Variants in MYO1B observed in about 807,000 individuals in gnomAD.
MYO1B encodes unconventional myosin-Ib.
In MYO1B, 72 loss-of-function variants were observed where a neutral mutation model predicts 159.7. The ratio of observed to expected loss-of-function variants is 0.45; its 90% CI spans 0.37 to 0.55. The LOEUF (loss-of-function observed/expected upper bound fraction) is 0.55, where lower values mean the gene tolerates loss of function less well. Ranked by LOEUF, MYO1B falls within the 20% of genes least tolerant of loss-of-function variation. The pLI is 0.00. For missense variants in MYO1B, 1,062 were observed against 1,364.8 expected, an observed-to-expected ratio of 0.78 and a Z score of 3.50; for synonymous variants, 468 against 473.8, an observed-to-expected ratio of 0.99 and a Z score of 0.16.
At chr2:191,266,619 G>A (rs1354498550) in intron 1 of MYO1B, among the ~76,000 whole-genome samples, 1 of 152,182 alleles carries the variant, frequency 6.6e-6, no homozygotes, top group African/African-American at 2.4e-5. Context: ...CGTCAGAAAA[G>A]CTTCATCCTC....
At chr2:191,363,938 T>C in intron 10 of MYO1B, 63 bp downstream of exon 10, 1 of 1,595,162 alleles carries the variant, frequency 6.3e-7, no homozygotes, top group South Asian at 1.1e-5. Context: ...CTCCCCACTT[T>C]TTAATGTAGA....
chr2:191,362,778 G>A (rs965380930), intron 9 of MYO1B, among the ~76,000 whole-genome samples: 4 of 152,048 alleles, frequency 2.6e-5, no homozygotes, highest in African/African-American at 9.7e-5. Context: ...ATATAAACCC[G>A]AGCGATTAGC....
At position 191,400,384 on chromosome 2, in the gene MYO1B, T is replaced by A; in HGVS notation, c.2298T>A (p.Ala766=). ...VIQSYIRGWK[A]RKILRELKHQ... Reference sequence around the variant, plus strand: ...TTTTGGGTGATTCTGCCCTTTAGGCTCGAAAAATTCTGCGGGAACTGAAGC... The same window carrying A: ...TTTTGGGTGATTCTGCCCTTTAGGCACGAAAAATTCTGCGGGAACTGAAGC... Residue 766 remains alanine, a splice_region_variant and synonymous_variant, in exon 22 of 31, where the codon GCT becomes GCA. Transcript: ENST00000392318. 2 of 1,614,100 alleles carry A rather than the reference T, an allele frequency of 1.2e-6. No individual in the cohort carries two copies. The highest frequency in any genetic ancestry group is 2.2e-5 in the East Asian group (1 of 44,882).
intron 4 of MYO1B, among the ~76,000 whole-genome samples, chr2:191,338,919 A>T (rs1441216713): frequency 6.6e-6 from 1 of 152,210 alleles, no homozygotes; most frequent in East Asian, 1.9e-4. Context: ...CCACTGTCTA[A>T]GACAGTTATT....
chr2:191,353,360 A>T (rs758113185), intron 7 of MYO1B, among the ~76,000 whole-genome samples: 10 of 152,214 alleles, frequency 6.6e-5, no homozygotes, highest in Admixed American at 2.0e-4. Context: ...AATTAACATC[A>T]CAGGCATTTG....
At chr2:191,370,324 T>C in intron 13 of MYO1B, 32 bp downstream of exon 13, 7 of 1,458,892 alleles carry the variant, frequency 4.8e-6, no homozygotes, top group Non-Finnish European at 5.8e-6. Flanking sequence ...GTATTGTCTT[T>C]AGTAGAGTGG....
Position 191,415,012 on chromosome 2 carries a change from A to T in MYO1B, c.3159+343A>T, listed in dbSNP as rs913570734. 1.4e-3 allele frequency among the ~76,000 whole-genome samples: 215 copies of T among 152,318 alleles called. 1 individual carries two copies. Among genetic ancestry groups the T allele is most frequent in the African/African-American group, 4.4e-3 (184 of 41,586 alleles). On this transcript the variant is annotated intron_variant, in intron 29 of 30. Transcript: ENST00000392318. Reference sequence around the variant, plus strand: ...TACATTAAAGGATACAACTAAAATAAAATAACCGCCAGTTAATTTTAACCT... The same window carrying T: ...TACATTAAAGGATACAACTAAAATATAATAACCGCCAGTTAATTTTAACCT...
intron 13 of MYO1B, 34 bp downstream of exon 13, chr2:191,370,326 G>A (rs1472844880): frequency 6.9e-7 from 1 of 1,445,450 alleles, no homozygotes; most frequent in Admixed American, 1.7e-5. Context: ...ATTGTCTTTA[G>A]TAGAGTGGAA....
chr2:191,337,061 A>G (rs947334209), intron 4 of MYO1B, among the ~76,000 whole-genome samples: 5 of 152,278 alleles, frequency 3.3e-5, no homozygotes, highest in African/African-American at 1.2e-4. Context: ...AAAAGTGCAC[A>G]ATAATCCTTG....
intron 7 of MYO1B, among the ~76,000 whole-genome samples, chr2:191,357,366 G>A (rs1693367116): frequency 6.6e-6 from 1 of 152,188 alleles, no homozygotes; most frequent in Non-Finnish European, 1.5e-5. Context: ...CGATAGTCGG[G>A]TGGCGGCAGC....
chr2:191,306,783 C>G (rs1689674846), intron 3 of MYO1B, among the ~76,000 whole-genome samples: 1 of 152,120 alleles, frequency 6.6e-6, no homozygotes. Flanking sequence ...CCTGGAATTG[C>G]AATAGCCTGG....
intron 30 of MYO1B, among the ~76,000 whole-genome samples, chr2:191,420,047 A>T (rs1053914789): frequency 6.6e-6 from 1 of 152,022 alleles, no homozygotes; most frequent in African/African-American, 2.4e-5. Flanking sequence ...CAAAAAAATT[A>T]AAAAATTAGC....
chr2:191,383,170 A>G, intron 14 of MYO1B, 110 bp from the exon 15 acceptor site: 1 of 621,810 alleles, frequency 1.6e-6, no homozygotes, highest in Non-Finnish European at 2.7e-6. Flanking sequence ...TAAAGAAAAT[A>G]AATTCAGAGA....
At chr2:191,249,926 A>G (rs137948819) in intron 1 of MYO1B, among the ~76,000 whole-genome samples, 483 of 152,324 alleles carry the variant, frequency 3.2e-3, no homozygotes, top group Admixed American at 5.1e-3. Context: ...CCAACTTACC[A>G]TAAGCAGCAT....
intron 3 of MYO1B, among the ~76,000 whole-genome samples, chr2:191,327,335 T>C (rs748960482): frequency 6.6e-6 from 1 of 152,256 alleles, no homozygotes; most frequent in Non-Finnish European, 1.5e-5. Context: ...GAGGAGTTTG[T>C]ATTCTGGTAG....
intron 21 of MYO1B, among the ~76,000 whole-genome samples, chr2:191,399,159 G>T (rs576830375): frequency 6.6e-6 from 1 of 152,140 alleles, no homozygotes; most frequent in African/African-American, 2.4e-5. Flanking sequence ...GCAGGCACTC[G>T]GCAGGCTGAG....
intron 3 of MYO1B, among the ~76,000 whole-genome samples, chr2:191,326,191 GTT>G (rs1397174192): frequency 6.6e-6 from 1 of 152,162 alleles, no homozygotes; most frequent in Non-Finnish European, 1.5e-5. Context: ...GGTCACAACC[GTT>G]TTTAACTAAA....
At chr2:191,361,517 A>G (rs995801538) in intron 8 of MYO1B, among the ~76,000 whole-genome samples, 1 of 151,836 alleles carries the variant, frequency 6.6e-6, no homozygotes, top group Non-Finnish European at 1.5e-5. Flanking sequence ...CACTTAGGAA[A>G]AGTCATCTTC....
intron 13 of MYO1B, among the ~76,000 whole-genome samples, chr2:191,378,755 G>T (rs955245250): frequency 1.3e-5 from 2 of 152,096 alleles, no homozygotes; most frequent in Non-Finnish European, 2.9e-5. Context: ...GAGAGAATGA[G>T]CAATGTTTTT....
Sources: allele counts gnomAD v4.1 joint callset (sites outside exome capture counted in the v4.1 genomes callset), GRCh38; gene constraint gnomAD v4.1.1; transcripts MANE v1.5; gene names NCBI Gene and HGNC (gene_info 2026-07-23, HGNC 2026-07-21).